Variants in HECW2 observed in about 807,000 individuals in gnomAD.
HECW2 encodes HECT, C2 and WW domain containing E3 ubiquitin protein ligase 2.
HECW2 carries 61 observed loss-of-function variants against 175.2 expected under a neutral mutation model. That is an observed-to-expected ratio of 0.35 (90% CI 0.28 to 0.43). The LOEUF (loss-of-function observed/expected upper bound fraction) is 0.43, where lower values mean the gene tolerates loss of function less well. Ranked by LOEUF, HECW2 falls within the 20% of genes least tolerant of loss-of-function variation. HECW2 has a pLI of 1.00. For missense variants in HECW2, 1,524 were observed against 2,000.5 expected (o/e 0.76, Z 4.54); for synonymous variants, 671 against 731.0 (o/e 0.92, Z 1.32).
intron 5 of HECW2, among the ~76,000 whole-genome samples, chr2:196,328,603 G>A (rs549553687): frequency 1.3e-5 from 2 of 150,424 alleles, no homozygotes; most frequent in East Asian, 3.9e-4. Flanking sequence ...CTCACAACAC[G>A]TTTTTTGTTT....
chr2:196,234,719 G>A (rs2105860811), intron 21 of HECW2, among the ~76,000 whole-genome samples: 1 of 148,290 alleles, frequency 6.7e-6, no homozygotes, highest in Non-Finnish European at 1.5e-5. Flanking sequence ...ATTCACTGGA[G>A]AATATGTAGT....
chr2:196,398,860 G>A (rs1401779345), intron 2 of HECW2, among the ~76,000 whole-genome samples: 2 of 152,152 alleles, frequency 1.3e-5, no homozygotes, highest in Admixed American at 1.3e-4. Flanking sequence ...TGTAGTCCCA[G>A]CTACTTGCAT....
intron 1 of HECW2, among the ~76,000 whole-genome samples, chr2:196,542,561 A>C (rs1485149079): frequency 1.3e-5 from 2 of 152,096 alleles, no homozygotes; most frequent in African/African-American, 4.8e-5. Context: ...AAAGGCAATA[A>C]GATGGTAAAT....
intron 2 of HECW2, among the ~76,000 whole-genome samples, chr2:196,424,259 C>T (rs900761166): frequency 6.6e-6 from 1 of 152,018 alleles, no homozygotes; most frequent in East Asian, 1.9e-4. Context: ...ACTGACCCAA[C>T]GATCCTCTTT....
At chr2:196,258,235 T>G in intron 17 of HECW2, 1 of 250,440 alleles carries the variant, frequency 4.0e-6, no homozygotes. Context: ...AAGCTGACTG[T>G]GGGCCTGAAT....
At chr2:196,306,724 T>G (rs1442131026) in intron 12 of HECW2, 112 bp from the exon 13 acceptor site, 1 of 1,085,686 alleles carries the variant, frequency 9.2e-7, no homozygotes, top group Non-Finnish European at 1.3e-6. Context: ...ACATCATGTG[T>G]CATCATTTTA....
chr2:196,353,142 T>G (rs1693231119), intron 2 of HECW2, among the ~76,000 whole-genome samples: 1 of 152,164 alleles, frequency 6.6e-6, no homozygotes, highest in Admixed American at 6.5e-5. Context: ...ACCTCCCTGA[T>G]GTCCCCAAAG....
chr2:196,335,004 T>C (rs914466863), intron 3 of HECW2, among the ~76,000 whole-genome samples: 5 of 152,322 alleles, frequency 3.3e-5, no homozygotes, highest in Non-Finnish European at 7.3e-5. Context: ...ATAACCTCTA[T>C]CTACATTGAC....
intron 2 of HECW2, among the ~76,000 whole-genome samples, chr2:196,415,922 T>G (rs1695243633): frequency 6.6e-6 from 1 of 152,206 alleles, no homozygotes; most frequent in Admixed American, 6.5e-5. Flanking sequence ...ATATGACTTT[T>G]AAGAGTTATT....
At chr2:196,300,224 AAAGCTT>A (rs1335088179) in intron 13 of HECW2, among the ~76,000 whole-genome samples, 1 of 152,222 alleles carries the variant, frequency 6.6e-6, no homozygotes, top group Non-Finnish European at 1.5e-5. Context: ...GTTTGTAAAC[AAAGCTT>A]CATTGGAACT....
intron 1 of HECW2, among the ~76,000 whole-genome samples, chr2:196,499,054 T>C (rs1205989965): frequency 6.6e-6 from 1 of 152,010 alleles, no homozygotes; most frequent in Non-Finnish European, 1.5e-5. Context: ...AACCTATCCT[T>C]GAAAAACCCT....
intron 1 of HECW2, among the ~76,000 whole-genome samples, chr2:196,526,776 C>T (rs1158214890): frequency 6.6e-6 from 1 of 152,110 alleles, no homozygotes; most frequent in Non-Finnish European, 1.5e-5. Flanking sequence ...GGATGCCTCC[C>T]AGTTAGGCTG....
At chr2:196,224,933 C>T (rs993212956) in intron 23 of HECW2, among the ~76,000 whole-genome samples, 22 of 152,216 alleles carry the variant, frequency 1.4e-4, no homozygotes, top group African/African-American at 5.1e-4. Context: ...TCTACTGACC[C>T]TCCCAAGGGC....
chr2:196,551,737 T>C (rs953629476), intron 1 of HECW2, among the ~76,000 whole-genome samples: 4 of 152,224 alleles, frequency 2.6e-5, no homozygotes, highest in African/African-American at 9.6e-5. Context: ...AGATGTACAA[T>C]AATTATTCCC....
chr2:196,464,062 C>T lies in HECW2; in HGVS notation c.-35-30604G>A, dbSNP rs79151443. Among the ~76,000 whole-genome samples the T allele has an allele frequency of 6.3e-3, 956 of 150,948 alleles. 10 individuals are homozygous for T. The highest frequency in any genetic ancestry group is 0.022 in the African/African-American group (898 of 41,048). On this transcript the variant is annotated intron_variant, in intron 1 of 28. Coordinates refer to ENST00000644978, the MANE Select transcript of HECW2 (RefSeq NM_001348768.2). ...TTTTTTTTTCTGGAAATGGTTTAAC[C>T]AATACTTCTGAATAGGAATACATTA... is the stretch of plus-strand genomic sequence containing the variant.
intron 2 of HECW2, among the ~76,000 whole-genome samples, chr2:196,368,252 C>T (rs1472559444): frequency 6.6e-6 from 1 of 152,136 alleles, no homozygotes; most frequent in Non-Finnish European, 1.5e-5. Flanking sequence ...TACAAGGGTT[C>T]CCTTTTCTTC....
intron 15 of HECW2, among the ~76,000 whole-genome samples, chr2:196,275,393 C>T (rs1333610180): frequency 1.3e-5 from 2 of 152,156 alleles, no homozygotes; most frequent in African/African-American, 2.4e-5. Context: ...ATTTACAAAG[C>T]ATTTTTCGTT....
intron 2 of HECW2, among the ~76,000 whole-genome samples, chr2:196,366,428 T>C (rs1038046871): frequency 6.6e-6 from 1 of 152,206 alleles, no homozygotes; most frequent in African/African-American, 2.4e-5. Flanking sequence ...TTGTGATCCA[T>C]TACTTTCGTA....
intron 1 of HECW2, among the ~76,000 whole-genome samples, chr2:196,495,049 G>T (rs894545836): frequency 3.3e-5 from 5 of 151,830 alleles, no homozygotes; most frequent in Admixed American, 2.0e-4. Flanking sequence ...CATAAAAGTT[G>T]GTAAAATGTA....
Sources: gnomAD v4.1 joint callset for allele counts (sites outside exome capture counted in the v4.1 genomes callset) on GRCh38, gnomAD v4.1.1 for gene constraint, MANE v1.5 for transcripts, NCBI Gene and HGNC (gene_info 2026-07-23, HGNC 2026-07-21) for gene names.